TTC3: variants seen among roughly 807,000 people sequenced by gnomAD.
TTC3 encodes the protein E3 ubiquitin-protein ligase TTC3.
Under a neutral mutation model 249.6 loss-of-function variants are expected in TTC3, and 180 were observed. The observed-to-expected ratio is 0.72, with a 90% CI of 0.64 to 0.82. The LOEUF (loss-of-function observed/expected upper bound fraction) is 0.82. TTC3 is among the 40% of genes least tolerant of loss of function. The pLI, the probability that TTC3 is intolerant of heterozygous loss-of-function variation, is 0.00. For synonymous variants in TTC3, 717 were observed against 805.0 expected (o/e 0.89, Z 1.85); for missense variants, 2,061 against 2,398.4 (o/e 0.86, Z 2.94).
At chr21:37,191,480 C>A in intron 40 of TTC3, 56 bp downstream of exon 40, 1 of 1,141,996 alleles carries the variant, frequency 8.8e-7, no homozygotes, top group South Asian at 1.8e-5. Flanking sequence ...TTATAATTCT[C>A]GGGAGGCTGG....
At chr21:37,138,499 A>G (rs1446627560) in intron 18 of TTC3, 135 bp from the exon 19 acceptor site, 6 of 609,236 alleles carry the variant, frequency 9.8e-6, no homozygotes, top group Admixed American at 8.0e-5. Flanking sequence ...CATATTGATT[A>G]GTGAGATTTT....
exon 27 of TTC3, chr21:37,153,273 C>T: frequency 1.2e-6 from 2 of 1,610,520 alleles, no homozygotes; most frequent in East Asian, 2.2e-5. Flanking sequence ...AACTTAATAG[C>T]TTTGGTATGT....
exon 42 of TTC3, chr21:37,195,742 A>T: frequency 6.2e-7 from 1 of 1,614,124 alleles, no homozygotes; most frequent in Non-Finnish European, 8.5e-7. Flanking sequence ...TCTGCAAGCG[A>T]CGTGACTGGA....
intron 1 of TTC3, among the ~76,000 whole-genome samples, chr21:37,085,104 A>G (rs1485952875): frequency 6.6e-6 from 1 of 152,244 alleles, no homozygotes; most frequent in Non-Finnish European, 1.5e-5. Flanking sequence ...GCTAGGCTTG[A>G]ATGACCAGTA....
intron 26 of TTC3, among the ~76,000 whole-genome samples, chr21:37,152,672 C>T (rs564395484): frequency 6.6e-6 from 1 of 152,166 alleles, no homozygotes; most frequent in Admixed American, 6.5e-5. Context: ...GCCACCACGC[C>T]TGGCCTAGAG....
chr21:37,092,623 T>A (rs564741645), intron 7 of TTC3, among the ~76,000 whole-genome samples: 2 of 152,356 alleles, frequency 1.3e-5, no homozygotes, highest in Admixed American at 1.3e-4. Flanking sequence ...ACTAGATAAG[T>A]CAGATCTCTC....
At chr21:37,141,418 C>CCT (rs753061093) in intron 20 of TTC3, among the ~76,000 whole-genome samples, 5 of 151,590 alleles carry the variant, frequency 3.3e-5, no homozygotes, top group African/African-American at 1.2e-4. Context: ...GGAATCCCCC[C>CCT]CCCAGCCATC....
intron 10 of TTC3, among the ~76,000 whole-genome samples, chr21:37,097,103 T>C (rs186162086): frequency 5.7e-4 from 87 of 152,326 alleles, no homozygotes; most frequent in African/African-American, 2.1e-3. Context: ...TTTATCCTGG[T>C]ATAAAAAATT....
chr21:37,130,909 A>G (rs148513778), intron 16 of TTC3, among the ~76,000 whole-genome samples: 28 of 152,264 alleles, frequency 1.8e-4, no homozygotes, highest in African/African-American at 6.3e-4. Flanking sequence ...TAATGTATAG[A>G]AGTTGTTTCT....
chr21:37,146,660 T>C lies in TTC3; in HGVS notation c.1894-821T>C, dbSNP rs182668578. On this transcript the variant is annotated intron_variant, in intron 21 of 45. Transcript: ENST00000355666. ...CCAGAATAAGCAAGTCTGTATATAGTGACAGAAAGTAGACCAGTGATTGCT... is the reference window on the plus strand; with the variant it reads ...CCAGAATAAGCAAGTCTGTATATAGCGACAGAAAGTAGACCAGTGATTGCT... Among the ~76,000 whole-genome samples the C allele has an allele frequency of 1.7e-3, 261 of 152,212 alleles. 1 individual carries two copies. The highest frequency in any genetic ancestry group is 6.8e-3 in the Middle Eastern group (2 of 294).
At position 37,165,993 on chromosome 21, in the gene TTC3, A is replaced by G. The variant is rs1369636587; in HGVS notation, c.3779A>G (p.Asn1260Ser). Reference sequence around the variant, plus strand: ...GTGAAGGCCAAACCAGTATCCGACAATTCTTCTAGACAAGTTTCTGAGGAT... The same window carrying G: ...GTGAAGGCCAAACCAGTATCCGACAGTTCTTCTAGACAAGTTTCTGAGGAT... The change falls in exon 33 of 46, where the codon AAT becomes AGT. Residue 1260 changes from asparagine to serine, a missense_variant. By Grantham distance (46) the Asn-to-Ser change is conservative. This residue lies in a region of TTC3 where 1,040 missense variants were observed against 1,186.1 expected (regional missense o/e 0.88). Coordinates refer to ENST00000355666, the Ensembl canonical transcript of TTC3. 5.6e-6 allele frequency: 9 copies of G among 1,614,046 alleles called. No individual in the cohort carries two copies. The East Asian group carries it at 1.3e-4, about 24-fold the overall frequency.
chr21:37,126,795 T>A (rs376008259), intron 15 of TTC3, among the ~76,000 whole-genome samples: 2 of 152,198 alleles, frequency 1.3e-5, no homozygotes, highest in African/African-American at 4.8e-5. Context: ...GGCCATCTTT[T>A]TGCCGTGTTC....
intron 25 of TTC3, 58 bp downstream of exon 25, chr21:37,150,942 T>G: frequency 8.0e-7 from 1 of 1,246,178 alleles, no homozygotes; most frequent in Middle Eastern, 1.9e-4. Context: ...TATAATTCTA[T>G]TAAATGCAGA....
chr21:37,182,881 G>C, exon 36 of TTC3: 1 of 1,578,838 alleles, frequency 6.3e-7, no homozygotes. Flanking sequence ...CACTGAAGAA[G>C]AAAATTAAAA....
intron 35 of TTC3, among the ~76,000 whole-genome samples, chr21:37,180,155 G>T (rs2082625014): frequency 6.6e-6 from 1 of 152,124 alleles, no homozygotes; most frequent in Non-Finnish European, 1.5e-5. Context: ...GGCCTCTCTT[G>T]TGCAACTGGT....
intron 1 of TTC3, among the ~76,000 whole-genome samples, chr21:37,080,995 A>G (rs1476873789): frequency 6.6e-6 from 1 of 151,350 alleles, no homozygotes; most frequent in Non-Finnish European, 1.5e-5. Flanking sequence ...TTTGTTCTTG[A>G]CAGATCATTT....
chr21:37,132,350 A>G (rs74547093), intron 16 of TTC3, among the ~76,000 whole-genome samples: 4 of 126,826 alleles, frequency 3.2e-5, no homozygotes, highest in Non-Finnish European at 6.6e-5. Flanking sequence ...TTTTTTTTTT[A>G]GATGGAGTCT....
At chr21:37,192,157 C>T in exon 41 of TTC3, 1 of 1,611,346 alleles carries the variant, frequency 6.2e-7, no homozygotes, top group Non-Finnish European at 8.5e-7. Flanking sequence ...TGGTTCTCGG[C>T]TCAGTGAACT....
intron 39 of TTC3, among the ~76,000 whole-genome samples, chr21:37,190,200 G>A (rs2083889758): frequency 7.6e-6 from 1 of 132,286 alleles, no homozygotes. Flanking sequence ...GGAGTGCAGT[G>A]GCGTGATCTC....
Sources: allele counts gnomAD v4.1 joint callset (sites outside exome capture counted in the v4.1 genomes callset), GRCh38; gene constraint gnomAD v4.1.1; regional missense constraint gnomAD v4.1.1; transcripts MANE v1.5; gene names NCBI Gene and HGNC (gene_info 2026-07-23, HGNC 2026-07-21).